Variants in RHBDL2 observed in about 807,000 individuals in gnomAD.
The protein encoded by RHBDL2 is rhomboid like 2.
RHBDL2 carries 26 observed loss-of-function variants against 31.7 expected under a neutral mutation model. The observed-to-expected ratio is 0.82, with a 90% CI of 0.60 to 1.14. RHBDL2 has a LOEUF of 1.14. RHBDL2 is among the 50% of genes most tolerant of loss of function. RHBDL2 has a pLI of 0.00. For missense variants in RHBDL2, 336 were observed against 364.4 expected (o/e 0.92, Z 0.63); for synonymous variants, 123 against 127.2 (o/e 0.97, Z 0.22).
intron 1 of RHBDL2, among the ~76,000 whole-genome samples, chr1:38,921,535 A>C (rs967923023): frequency 1.3e-5 from 2 of 152,194 alleles, no homozygotes; most frequent in African/African-American, 2.4e-5. Context: ...ACTGCATGTT[A>C]CTGGGAATCA....
At chr1:38,892,727 G>A (rs1440593716) in intron 6 of RHBDL2, among the ~76,000 whole-genome samples, 4 of 152,130 alleles carry the variant, frequency 2.6e-5, no homozygotes, top group Non-Finnish European at 5.9e-5. Context: ...CAGAGTTGAG[G>A]GGCCAGGGGA....
At chr1:38,931,878 G>A (rs61780057) in intron 1 of RHBDL2, among the ~76,000 whole-genome samples, 5 of 152,026 alleles carry the variant, frequency 3.3e-5, no homozygotes, top group African/African-American at 1.2e-4. Context: ...AAGGATGGTA[G>A]ACTAAAGACG....
At chr1:38,890,924 C>T (rs1642845418) in intron 6 of RHBDL2, among the ~76,000 whole-genome samples, 1 of 152,092 alleles carries the variant, frequency 6.6e-6, no homozygotes, top group East Asian at 1.9e-4. Context: ...AAACATAATG[C>T]TTGATGAAGG....
chr1:38,934,569 T>A (rs1269559992), intron 1 of RHBDL2, among the ~76,000 whole-genome samples: 1 of 140,770 alleles, frequency 7.1e-6, no homozygotes, highest in African/African-American at 2.7e-5. Context: ...GGTAGGAGAA[T>A]CGCTTGAACC....
At chr1:38,920,948 G>T (rs1209918921) in intron 1 of RHBDL2, among the ~76,000 whole-genome samples, 1 of 152,070 alleles carries the variant, frequency 6.6e-6, no homozygotes, top group Non-Finnish European at 1.5e-5. Context: ...TCCAGTTTGA[G>T]GGGGAGCATA....
At chr1:38,935,434 A>G (rs926986784) in intron 1 of RHBDL2, among the ~76,000 whole-genome samples, 21 of 152,248 alleles carry the variant, frequency 1.4e-4, no homozygotes, top group African/African-American at 4.8e-4. Flanking sequence ...TGATTTCACC[A>G]CTTGACACCT....
intron 1 of RHBDL2, among the ~76,000 whole-genome samples, chr1:38,930,271 G>A (rs74067194): frequency 0.036 from 5,529 of 152,046 alleles, 325 homozygotes; most frequent in African/African-American, 0.12. Flanking sequence ...AACCACTTTC[G>A]CTTTTATTAT....
intron 4 of RHBDL2, among the ~76,000 whole-genome samples, chr1:38,903,893 T>G (rs1435302226): frequency 6.6e-6 from 1 of 152,060 alleles, no homozygotes; most frequent in Non-Finnish European, 1.5e-5. Context: ...GAATAGAACC[T>G]CCAGAAATTA....
intron 4 of RHBDL2, among the ~76,000 whole-genome samples, chr1:38,900,407 G>A (rs1192370981): frequency 6.6e-6 from 1 of 151,918 alleles, no homozygotes; most frequent in Non-Finnish European, 1.5e-5. Context: ...GGATCATTAA[G>A]GTCGGAAGTT....
intron 6 of RHBDL2, among the ~76,000 whole-genome samples, chr1:38,892,594 A>G (rs1345852451): frequency 6.6e-6 from 1 of 152,212 alleles, no homozygotes. Flanking sequence ...GCTTGCAGTT[A>G]TTCTCCATGT....
intron 1 of RHBDL2, among the ~76,000 whole-genome samples, chr1:38,938,993 T>C (rs1173018343): frequency 6.6e-6 from 1 of 152,240 alleles, no homozygotes; most frequent in African/African-American, 2.4e-5. Context: ...CAGGAATGAA[T>C]GAGGTGCTGA....
At chr1:38,900,203 T>G (rs1241254627) in intron 4 of RHBDL2, among the ~76,000 whole-genome samples, 1 of 152,284 alleles carries the variant, frequency 6.6e-6, no homozygotes, top group South Asian at 2.1e-4. Context: ...GTAGATCACT[T>G]GAGGTCAGGA....
chr1:38,934,598 G>C (rs1488816616), intron 1 of RHBDL2, among the ~76,000 whole-genome samples: 5 of 145,342 alleles, frequency 3.4e-5, no homozygotes, highest in Non-Finnish European at 4.5e-5. Context: ...GGAGGTTGCA[G>C]TGAGCAATGC....
chr1:38,920,166 CTTTTT>C (rs71057165), intron 1 of RHBDL2, among the ~76,000 whole-genome samples: 1 of 111,402 alleles, frequency 9.0e-6, no homozygotes, highest in African/African-American at 3.5e-5. Context: ...CACATGTTTT[CTTTTT>C]TTTTTTTTTT....
chr1:38,893,019 G>A (rs1396434420), intron 6 of RHBDL2, 145 bp downstream of exon 6: 1 of 471,516 alleles, frequency 2.1e-6, no homozygotes, highest in African/African-American at 2.0e-5. Context: ...CTTTTCTTTT[G>A]TACTTCAGAC....
At chr1:38,911,266 G>T in intron 4 of RHBDL2, 56 bp downstream of exon 4, 1 of 1,178,218 alleles carries the variant, frequency 8.5e-7, no homozygotes, top group Non-Finnish European at 1.3e-6. Context: ...TATTTCATTT[G>T]CTTTTAATCC....
At chr1:38,917,618 A>AC (rs919953486) in intron 2 of RHBDL2, among the ~76,000 whole-genome samples, 3 of 152,142 alleles carry the variant, frequency 2.0e-5, no homozygotes, top group African/African-American at 7.2e-5. Context: ...AGCAGAAAAA[A>AC]CAGATACAGA....
chr1:38,915,250 A>G (rs1369453432), intron 3 of RHBDL2, among the ~76,000 whole-genome samples: 1 of 150,358 alleles, frequency 6.7e-6, no homozygotes, highest in Non-Finnish European at 1.5e-5. Context: ...CTCCTGCCTC[A>G]GCCTCCCGGG....
At chr1:38,901,562 C>T (rs1005332689) in intron 4 of RHBDL2, among the ~76,000 whole-genome samples, 1 of 149,916 alleles carries the variant, frequency 6.7e-6, no homozygotes, top group Non-Finnish European at 1.5e-5. Flanking sequence ...AATAAATGGG[C>T]CAGTGGCTCA....
Sources: gnomAD v4.1 joint callset for allele counts (sites outside exome capture counted in the v4.1 genomes callset) on GRCh38, gnomAD v4.1.1 for gene constraint, MANE v1.5 for transcripts, NCBI Gene and HGNC (gene_info 2026-07-23, HGNC 2026-07-21) for gene names.